IGF1R: variants seen among roughly 807,000 people sequenced by gnomAD.
The protein encoded by IGF1R is insulin-like growth factor 1 receptor.
Under a neutral mutation model 144.6 loss-of-function variants are expected in IGF1R, and 44 were observed. The observed-to-expected ratio is 0.30, with a 90% CI of 0.24 to 0.39. The LOEUF (loss-of-function observed/expected upper bound fraction) is 0.39, where lower values mean the gene tolerates loss of function less well. Among genes scored for constraint, IGF1R ranks in the 10% least tolerant of loss-of-function variants. The pLI is 1.00. For missense variants in IGF1R, 1,355 were observed against 1,833.7 expected, an observed-to-expected ratio of 0.74 and a Z score of 4.77; for synonymous variants, 795 against 722.8, an observed-to-expected ratio of 1.10 and a Z score of -1.60.
chr15:98,659,824 A>G (rs539170440), intron 1 of IGF1R, among the ~76,000 whole-genome samples: 1 of 152,330 alleles, frequency 6.6e-6, no homozygotes. Flanking sequence ...CCATTGCTCT[A>G]TTTAAACAGG....
chr15:98,916,251 C>T (rs914289084), intron 9 of IGF1R, 120 bp downstream of exon 9: 17 of 868,762 alleles, frequency 2.0e-5, no homozygotes, highest in Non-Finnish European at 3.0e-5. Context: ...TGGAAACCAG[C>T]TATCTTCTGG....
intron 2 of IGF1R, among the ~76,000 whole-genome samples, chr15:98,850,547 G>T (rs916911558): frequency 1.3e-5 from 2 of 152,230 alleles, no homozygotes; most frequent in Admixed American, 6.5e-5. Flanking sequence ...AGGCCTCTCT[G>T]AGGTGCTCTG....
At chr15:98,683,253 C>T (rs2053236773) in intron 1 of IGF1R, among the ~76,000 whole-genome samples, 1 of 151,832 alleles carries the variant, frequency 6.6e-6, no homozygotes, top group African/African-American at 2.4e-5. Context: ...AAAGCAGATA[C>T]AGCGCCTTTT....
At chr15:98,790,949 C>T (rs2141415075) in intron 2 of IGF1R, among the ~76,000 whole-genome samples, 1 of 152,170 alleles carries the variant, frequency 6.6e-6, no homozygotes, top group South Asian at 2.1e-4. Flanking sequence ...TTTTTGTGTT[C>T]TTTTGTGCTA....
In IGF1R at chr15:98,763,044, C is replaced by CAA. The variant is rs58091658; in HGVS notation, c.640+54955_640+54956dup. ...CTGGCGACAGAGCTAGGTTCCATCT[C>CAA]AAAAAAAAAAAAAAAAAAATTCCTC... is the stretch of plus-strand genomic sequence containing the variant. On this transcript the variant is annotated intron_variant, in intron 2 of 20. Transcript: ENST00000650285. Among the ~76,000 whole-genome samples the CAA allele has an allele frequency of 1.3e-3, 169 of 134,614 alleles. 2 individuals carry two copies. The highest frequency in any genetic ancestry group is 3.4e-3 in the African/African-American group (117 of 34,376). The allele number at this position is 134,614 out of a possible 152,430, so 88.3% of individuals were successfully genotyped here.
chr15:98,783,958 A>ATTTT (rs71149420), intron 2 of IGF1R, among the ~76,000 whole-genome samples: 10 of 54,792 alleles, frequency 1.8e-4, no homozygotes, highest in African/African-American at 7.1e-4. Flanking sequence ...GGCATCTGAA[A>ATTTT]TTTTTTTTTT....
intron 2 of IGF1R, among the ~76,000 whole-genome samples, chr15:98,751,966 T>A (rs911004681): frequency 6.6e-6 from 1 of 152,190 alleles, no homozygotes; most frequent in Non-Finnish European, 1.5e-5. Context: ...TCACTGTTTG[T>A]ATTATACATG....
At chr15:98,929,210 G>A (rs901688736) in intron 13 of IGF1R, among the ~76,000 whole-genome samples, 3 of 152,018 alleles carry the variant, frequency 2.0e-5, no homozygotes, top group African/African-American at 7.2e-5. Context: ...ACATTCTGTG[G>A]AATGTGGGAA....
chr15:98,855,483 A>G (rs1034403926), intron 2 of IGF1R, among the ~76,000 whole-genome samples: 19 of 152,234 alleles, frequency 1.2e-4, no homozygotes, highest in African/African-American at 4.3e-4. Context: ...TATCTATGCT[A>G]TAGGACTGCA....
Position 98,924,590 on chromosome 15 carries a change from A to G in IGF1R, c.2688A>G (p.Leu896=). The G allele has an allele frequency of 1.9e-6, 3 of 1,614,036 alleles. No individual in the cohort carries two copies. The highest frequency in any genetic ancestry group is 2.5e-6 in the Non-Finnish European group (3 of 1,179,892). The change falls in exon 13 of 21, where the codon CTA becomes CTG. Residue 896 remains leucine (L), a synonymous_variant. Coordinates refer to ENST00000650285, the MANE Select transcript of IGF1R (RefSeq NM_000875.5). ...RKYGGAKLNR[L]NPGNYTARIQ... Reference sequence around the variant, plus strand: ...ATGGAGGGGCCAAGCTAAACCGGCTAAACCCGGGGAACTACACAGCCCGGA... The same window carrying G: ...ATGGAGGGGCCAAGCTAAACCGGCTGAACCCGGGGAACTACACAGCCCGGA...
chr15:98,723,918 T>G (rs1399243384), intron 2 of IGF1R, among the ~76,000 whole-genome samples: 1 of 152,226 alleles, frequency 6.6e-6, no homozygotes, highest in Non-Finnish European at 1.5e-5. Context: ...TCCTACATAG[T>G]GTGCCCAGAA....
chr15:98,852,709 C>T (rs1183521984), intron 2 of IGF1R, among the ~76,000 whole-genome samples: 1 of 152,214 alleles, frequency 6.6e-6, no homozygotes, highest in Non-Finnish European at 1.5e-5. Flanking sequence ...CGGGGAATCC[C>T]TCCCTCCGCC....
chr15:98,659,366 G>A (rs745587063), intron 1 of IGF1R, among the ~76,000 whole-genome samples: 1 of 151,922 alleles, frequency 6.6e-6, no homozygotes, highest in Non-Finnish European at 1.5e-5. Flanking sequence ...GAGGTGTCCA[G>A]TGTGCACTTT....
intron 1 of IGF1R, among the ~76,000 whole-genome samples, chr15:98,667,870 T>C (rs1277157483): frequency 6.6e-6 from 1 of 151,936 alleles, no homozygotes; most frequent in Non-Finnish European, 1.5e-5. Context: ...TGTATGTGCT[T>C]GTTTTGCCTG....
intron 2 of IGF1R, among the ~76,000 whole-genome samples, chr15:98,797,088 G>A (rs1300157062): frequency 6.6e-6 from 1 of 152,232 alleles, no homozygotes; most frequent in Non-Finnish European, 1.5e-5. Flanking sequence ...GCAGAGTTCT[G>A]TGTACACAGA....
chr15:98,796,894 G>A (rs2056255646), intron 2 of IGF1R, among the ~76,000 whole-genome samples: 1 of 152,180 alleles, frequency 6.6e-6, no homozygotes. Flanking sequence ...GGATGTGTTC[G>A]AAGGCTCTCA....
chr15:98,957,752 CCTTCCCTGTT>C lies in IGF1R; in HGVS notation c.*313_*322del, dbSNP rs1699829168. ...ACCAGTCTCCTCACTCTGTCCCTGT[CCTTCCCTGTT>C]CTCCCTTTCTCTCTCCTCTCTGCTT... On this transcript the variant is annotated 3_prime_UTR_variant, in exon 21 of 21. Coordinates refer to ENST00000650285, the MANE Select transcript of IGF1R (RefSeq NM_000875.5). 4.3e-6 allele frequency: 2 copies of C among 460,198 alleles called. No individual in the cohort carries two copies. The highest frequency in any genetic ancestry group is 3.9e-6 in the Non-Finnish European group (1 of 255,492). 28.5% of individuals were successfully genotyped at this position (460,198 alleles called of 1,614,324 possible).
intron 5 of IGF1R, among the ~76,000 whole-genome samples, chr15:98,903,909 G>A (rs1416013739): frequency 6.6e-6 from 1 of 152,188 alleles, no homozygotes; most frequent in Non-Finnish European, 1.5e-5. Context: ...GCAGACCAGG[G>A]ATGGCTGCAA....
chr15:98,679,566 GTGT>G (rs2141211216), intron 1 of IGF1R, among the ~76,000 whole-genome samples: 1 of 152,314 alleles, frequency 6.6e-6, no homozygotes, highest in South Asian at 2.1e-4. Flanking sequence ...GTTGATGCTG[GTGT>G]AAGCCCACTG....
Sources: allele counts gnomAD v4.1 joint callset (sites outside exome capture counted in the v4.1 genomes callset), GRCh38; gene constraint gnomAD v4.1.1; transcripts MANE v1.5; gene names NCBI Gene and HGNC (gene_info 2026-07-23, HGNC 2026-07-21).